EHMT1: variants seen among roughly 807,000 people sequenced by gnomAD.
EHMT1 encodes the protein histone-lysine N-methyltransferase EHMT1.
In EHMT1, 15 loss-of-function variants were observed where a neutral mutation model predicts 147.2. That is an observed-to-expected ratio of 0.10 (90% CI 0.07 to 0.16). The LOEUF (loss-of-function observed/expected upper bound fraction) is 0.16, where lower values mean the gene tolerates loss of function less well. Among genes scored for constraint, EHMT1 ranks in the 10% least tolerant of loss-of-function variants. The pLI, the probability that EHMT1 is intolerant of heterozygous loss-of-function variation, is 1.00. For synonymous variants in EHMT1, 795 were observed against 709.6 expected, an observed-to-expected ratio of 1.12 and a Z score of -1.91; for missense variants, 1,587 against 1,772.4, an observed-to-expected ratio of 0.90 and a Z score of 1.88.
chr9:137,649,789 C>T (rs1426150275), intron 1 of EHMT1, among the ~76,000 whole-genome samples: 1 of 152,178 alleles, frequency 6.6e-6, no homozygotes, highest in Non-Finnish European at 1.5e-5. Context: ...AGAGGGACCA[C>T]GCCCTGCCAG....
intron 4 of EHMT1, among the ~76,000 whole-genome samples, chr9:137,738,027 C>G (rs963546838): frequency 3.3e-5 from 5 of 152,130 alleles, no homozygotes; most frequent in African/African-American, 1.2e-4. Context: ...AACCCCATCT[C>G]TACTACAAAT....
intron 1 of EHMT1, among the ~76,000 whole-genome samples, chr9:137,636,882 G>T (rs1201455830): frequency 2.0e-5 from 3 of 147,366 alleles, no homozygotes; most frequent in Admixed American, 1.4e-4. Context: ...ATTTTTTTTT[G>T]AGACAGTTTC....
At chr9:137,680,623 G>T (rs1941846597) in intron 1 of EHMT1, among the ~76,000 whole-genome samples, 1 of 152,230 alleles carries the variant, frequency 6.6e-6, no homozygotes. Flanking sequence ...TTTGTCCATT[G>T]TGAGATGGTC....
chr9:137,621,355 C>G (rs571416020), intron 1 of EHMT1, among the ~76,000 whole-genome samples: 1 of 152,158 alleles, frequency 6.6e-6, no homozygotes, highest in Non-Finnish European at 1.5e-5. Context: ...ACTTATCTAA[C>G]TTCATTTCTT....
At chr9:137,659,445 A>G (rs1938833104) in intron 1 of EHMT1, among the ~76,000 whole-genome samples, 1 of 151,836 alleles carries the variant, frequency 6.6e-6, no homozygotes, top group African/African-American at 2.4e-5. Context: ...GGGTCTTGCT[A>G]TGTTCCCCAG....
At chr9:137,640,716 G>GA (rs1169754226) in intron 1 of EHMT1, among the ~76,000 whole-genome samples, 1 of 152,248 alleles carries the variant, frequency 6.6e-6, no homozygotes, top group African/African-American at 2.4e-5. Flanking sequence ...AAAGGGGGCA[G>GA]AAAGTTGTTC....
intron 8 of EHMT1, among the ~76,000 whole-genome samples, chr9:137,756,891 T>C (rs772773453): frequency 6.6e-6 from 1 of 152,258 alleles, no homozygotes; most frequent in African/African-American, 2.4e-5. Flanking sequence ...TGGTTGACTT[T>C]TCCTGTCTGT....
intron 1 of EHMT1, among the ~76,000 whole-genome samples, chr9:137,635,509 T>C (rs937582046): frequency 2.7e-5 from 4 of 150,034 alleles, no homozygotes; most frequent in South Asian, 2.2e-4. Flanking sequence ...ACCACTGCGC[T>C]CGGCCTTCAG....
chr9:137,834,333 G>C lies in EHMT1; in HGVS notation c.3541-16G>C, dbSNP rs768149309. ...GCCTTGCTAACTGCAGCCCGTGCCG[G>C]CTTCTCGCCCTGCAGGACGGGGAGG... On this transcript the variant is annotated splice_polypyrimidine_tract_variant and intron_variant, in intron 25 of 26. Coordinates refer to ENST00000460843, the MANE Select transcript of EHMT1 (RefSeq NM_024757.5). The C allele has an allele frequency of 6.3e-7, 1 of 1,596,482 alleles. No individual in the cohort carries two copies. The highest frequency in any genetic ancestry group is 8.5e-7 in the Non-Finnish European group (1 of 1,175,072).
intron 2 of EHMT1, among the ~76,000 whole-genome samples, chr9:137,711,670 C>T (rs905072236): frequency 5.3e-5 from 8 of 152,100 alleles, no homozygotes; most frequent in Non-Finnish European, 1.0e-4. Context: ...CTGCACCCCT[C>T]TGTAAGGCGT....
At chr9:137,679,314 CTG>C (rs1941709038) in intron 1 of EHMT1, among the ~76,000 whole-genome samples, 2 of 152,126 alleles carry the variant, frequency 1.3e-5, no homozygotes, top group Admixed American at 1.3e-4. Context: ...CTGTGGGTAA[CTG>C]AAACTGTGGC....
chr9:137,771,568 C>G (rs1389427925), intron 10 of EHMT1, among the ~76,000 whole-genome samples: 1 of 152,188 alleles, frequency 6.6e-6, no homozygotes, highest in South Asian at 2.1e-4. Flanking sequence ...CCTCGGAGTC[C>G]TGGTCTTGGC....
chr9:137,628,075 T>C (rs1043952250), intron 1 of EHMT1, among the ~76,000 whole-genome samples: 2 of 152,194 alleles, frequency 1.3e-5, no homozygotes, highest in African/African-American at 2.4e-5. Flanking sequence ...GACCAGTACT[T>C]GCTTGAGGAG....
intron 25 of EHMT1, among the ~76,000 whole-genome samples, chr9:137,822,341 A>G (rs1018806633): frequency 2.6e-5 from 4 of 152,166 alleles, no homozygotes; most frequent in African/African-American, 4.8e-5. Context: ...TGTGACTCCC[A>G]TAGACTTGTT....
chr9:137,664,294 T>C (rs969180272), intron 1 of EHMT1, among the ~76,000 whole-genome samples: 10 of 152,020 alleles, frequency 6.6e-5, no homozygotes, highest in African/African-American at 2.4e-4. Flanking sequence ...CATACTTTTT[T>C]TTTTTTTTTT....
chr9:137,800,479 C>T (rs1953371762), intron 17 of EHMT1: 3 of 256,334 alleles, frequency 1.2e-5, no homozygotes, highest in South Asian at 9.2e-5. Context: ...GACTTCCTGC[C>T]AGCCAAGGCT....
chr9:137,822,800 G>A (rs889856675), intron 25 of EHMT1, among the ~76,000 whole-genome samples: 2 of 151,882 alleles, frequency 1.3e-5, no homozygotes, highest in African/African-American at 2.4e-5. Flanking sequence ...GGCTGAGGCA[G>A]GAGACTTGCT....
At chr9:137,711,915 C>T (rs989431805) in intron 2 of EHMT1, among the ~76,000 whole-genome samples, 2 of 152,222 alleles carry the variant, frequency 1.3e-5, no homozygotes, top group African/African-American at 2.4e-5. Flanking sequence ...AGGCCTGGCT[C>T]CTCATGGACT....
At chr9:137,833,618 C>G (rs1413020370) in intron 25 of EHMT1, among the ~76,000 whole-genome samples, 1 of 152,242 alleles carries the variant, frequency 6.6e-6, no homozygotes, top group Non-Finnish European at 1.5e-5. Context: ...CACCTCGTCC[C>G]CCTCTCTATG....
Sources: allele counts gnomAD v4.1 joint callset (sites outside exome capture counted in the v4.1 genomes callset), GRCh38; gene constraint gnomAD v4.1.1; transcripts MANE v1.5; gene names NCBI Gene and HGNC (gene_info 2026-07-23, HGNC 2026-07-21).